RIMKLB: variants seen among roughly 807,000 people sequenced by gnomAD.
RIMKLB encodes the protein ribosomal modification protein rimK like family member B, also known as beta-citrylglutamate synthase B.
A neutral mutation model predicts 32.0 loss-of-function variants in RIMKLB; 7 were observed. The observed-to-expected ratio is 0.22, with a 90% CI of 0.12 to 0.41. The LOEUF is 0.41. RIMKLB is among the 10% of genes least tolerant of loss of function. The pLI, the probability that RIMKLB is intolerant of heterozygous loss-of-function variation, is 1.00. For synonymous variants in RIMKLB, 172 were observed against 185.1 expected (o/e 0.93, Z 0.57); for missense variants, 289 against 498.7 (o/e 0.58, Z 4.00).
chr12:8,686,199 C>T (rs1042730394), intron 1 of RIMKLB, among the ~76,000 whole-genome samples: 1 of 152,164 alleles, frequency 6.6e-6, no homozygotes, highest in Non-Finnish European at 1.5e-5. Context: ...ATCCACCCAC[C>T]TTGCCCTCCC....
intron 2 of RIMKLB, among the ~76,000 whole-genome samples, chr12:8,720,306 G>T (rs1945308473): frequency 6.6e-6 from 1 of 152,138 alleles, no homozygotes; most frequent in South Asian, 2.1e-4. Flanking sequence ...ATGGGTAAAA[G>T]ACCTAATTAA....
Position 8,698,284 on chromosome 12 carries a change from GC to G in RIMKLB, c.-64del. On this transcript the variant is annotated 5_prime_UTR_variant, in exon 1 of 6. Transcript: ENST00000535829. ...TCAGTCGGCCGAGAGCGAGGGAGGA[GC>G]CCCCCGACCCAGGTGAGCGGTACGA... 1.4e-5 allele frequency: 5 copies of G among 356,060 alleles called. No individual in the cohort carries two copies. Among genetic ancestry groups the G allele is most frequent in the Non-Finnish European group, 2.3e-5 (4 of 174,026 alleles). The allele number at this position is 356,060 out of a possible 1,614,324, so 22.1% of individuals were successfully genotyped here.
At chr12:8,716,118 T>A (rs57676185) in intron 2 of RIMKLB, among the ~76,000 whole-genome samples, 5,821 of 152,240 alleles carry the variant, frequency 0.038, 352 homozygotes, top group African/African-American at 0.13. Context: ...AAACCAAAGG[T>A]TACAGCCATA....
chr12:8,703,618 C>T (rs915938301), intron 1 of RIMKLB, among the ~76,000 whole-genome samples: 7 of 152,180 alleles, frequency 4.6e-5, no homozygotes, highest in African/African-American at 1.7e-4. Context: ...TGAGGTCCCA[C>T]TGTGTTGTCC....
chr12:8,762,933 C>CT (rs1004403915), intron 5 of RIMKLB, among the ~76,000 whole-genome samples: 7 of 151,982 alleles, frequency 4.6e-5, no homozygotes, highest in Non-Finnish European at 8.8e-5. Flanking sequence ...CAGTTATGTT[C>CT]TTTTTTTTAT....
At chr12:8,727,164 G>C (rs1565583366) in intron 2 of RIMKLB, among the ~76,000 whole-genome samples, 2 of 151,748 alleles carry the variant, frequency 1.3e-5, no homozygotes, top group Non-Finnish European at 2.9e-5. Flanking sequence ...CGTGCACACA[G>C]ACACACACAC....
intron 1 of RIMKLB, among the ~76,000 whole-genome samples, chr12:8,703,422 G>A (rs1177608510): frequency 2.0e-5 from 3 of 152,188 alleles, no homozygotes; most frequent in Admixed American, 6.5e-5. Context: ...TGAACTTCTA[G>A]GCTCAAGCGA....
chr12:8,681,288 C>T (rs1942404547), upstream of RIMKLB, among the ~76,000 whole-genome samples: 1 of 151,894 alleles, frequency 6.6e-6, no homozygotes, highest in African/African-American at 2.4e-5. Flanking sequence ...TATACCAGTG[C>T]TTTGAGGGCT....
chr12:8,758,858 A>G (rs192901929), intron 5 of RIMKLB, among the ~76,000 whole-genome samples: 25 of 152,214 alleles, frequency 1.6e-4, no homozygotes, highest in African/African-American at 5.3e-4. Flanking sequence ...CCCTTAGTCT[A>G]TTGTATCGTG....
At chr12:8,675,029 A>T in the RIMKLB span, among the ~76,000 whole-genome samples, 1 of 151,104 alleles carries the variant, frequency 6.6e-6, no homozygotes, top group Non-Finnish European at 1.5e-5. Flanking sequence ...ACACCCAGCT[A>T]ATTTTTGTAT....
At chr12:8,702,680 AG>A (rs777488944) in intron 1 of RIMKLB, among the ~76,000 whole-genome samples, 2 of 152,230 alleles carry the variant, frequency 1.3e-5, no homozygotes, top group Non-Finnish European at 2.9e-5. Flanking sequence ...AAAGTCAGGC[AG>A]GGTTGCCCAA....
At chr12:8,762,039 G>A (rs1949568408) in intron 5 of RIMKLB, among the ~76,000 whole-genome samples, 1 of 152,162 alleles carries the variant, frequency 6.6e-6, no homozygotes. Flanking sequence ...TACAGGAATT[G>A]AAATGTATGA....
chr12:8,761,013 AT>A (rs1949475194), intron 5 of RIMKLB, among the ~76,000 whole-genome samples: 2 of 152,028 alleles, frequency 1.3e-5, no homozygotes, highest in African/African-American at 4.8e-5. Context: ...AAGACCTTTA[AT>A]TTCTTGGTGT....
intron 1 of RIMKLB, among the ~76,000 whole-genome samples, chr12:8,705,992 C>T (rs768189081): frequency 4.6e-5 from 7 of 152,134 alleles, no homozygotes; most frequent in Admixed American, 3.9e-4. Flanking sequence ...ATGTTAATCA[C>T]GTATAGAAAA....
At position 8,754,113 on chromosome 12, in the gene RIMKLB, C is replaced by T. The variant is rs752144931; in HGVS notation, c.697+20C>T. 5 of 1,528,916 alleles carry T rather than the reference C, an allele frequency of 3.3e-6. No individual in the cohort carries two copies. The highest frequency in any genetic ancestry group is 2.7e-5 in the African/African-American group (2 of 73,250). 94.7% of individuals were successfully genotyped at this position (1,528,916 alleles called of 1,614,324 possible). A position where few individuals can be genotyped will look rare whatever the true frequency, so the allele number is the denominator to read the frequency against. ...CATTAGGTAAAAATAATGCAATTAT[C>T]TTTCTAGTATATAAAGTAACATTTA... is the stretch of plus-strand genomic sequence containing the variant. On this transcript the variant is annotated intron_variant, in intron 5 of 5. Coordinates refer to ENST00000535829, the MANE Select transcript of RIMKLB (RefSeq NM_001297776.2).
intron 2 of RIMKLB, among the ~76,000 whole-genome samples, chr12:8,727,900 CAA>C (rs112200431): frequency 4.4e-4 from 60 of 135,472 alleles, no homozygotes; most frequent in African/African-American, 1.6e-3. Flanking sequence ...GACATTGTCT[CAA>C]AAAAAAAAAA....
At chr12:8,705,540 T>C (rs192495379) in intron 1 of RIMKLB, among the ~76,000 whole-genome samples, 50 of 152,160 alleles carry the variant, frequency 3.3e-4, no homozygotes, top group African/African-American at 1.1e-3. Context: ...AATTAGCTTT[T>C]TGTAAACAGT....
intron 5 of RIMKLB, among the ~76,000 whole-genome samples, chr12:8,759,074 G>A (rs1036474097): frequency 6.6e-6 from 1 of 152,060 alleles, no homozygotes; most frequent in Non-Finnish European, 1.5e-5. Context: ...TCTCATCAAG[G>A]TTGGAATTGA....
rs760483477 is a variant in RIMKLB at position 8,726,266 on chromosome 12, T to C, written c.175+12225T>C. 4.3e-4 allele frequency among the ~76,000 whole-genome samples: 65 copies of C among 152,392 alleles called. 2 individuals are homozygous for C. In the South Asian group the frequency reaches 0.011, roughly 25 times the overall value. ...GGCCAGTAAGATGTAGTGGTATCTC[T>C]CACTGTTAAAATGTGCAGTTACCTG... On this transcript the variant is annotated intron_variant, in intron 2 of 5. Coordinates refer to ENST00000535829, the MANE Select transcript of RIMKLB (RefSeq NM_001297776.2).
Sources: gnomAD v4.1 joint callset for allele counts (sites outside exome capture counted in the v4.1 genomes callset) on GRCh38, gnomAD v4.1.1 for gene constraint, MANE v1.5 for transcripts, NCBI Gene and HGNC (gene_info 2026-07-23, HGNC 2026-07-21) for gene names.